The following SPEG variants were observed in gnomAD, a reference collection of about 807,000 sequenced individuals.
SPEG encodes striated muscle enriched protein kinase, also known as striated muscle preferentially expressed protein kinase.
In SPEG, 114 loss-of-function variants were observed where a neutral mutation model predicts 300.4. That is an observed-to-expected ratio of 0.38 (90% confidence interval 0.33 to 0.44). The LOEUF is 0.44. Ranked by LOEUF, SPEG falls within the 20% of genes least tolerant of loss-of-function variation. The pLI is 1.00. For missense variants in SPEG, 4,201 were observed against 4,586.2 expected, an observed-to-expected ratio of 0.92 and a Z score of 2.43; for synonymous variants, 1,964 against 2,018.9, an observed-to-expected ratio of 0.97 and a Z score of 0.73.
In SPEG at chr2:219,465,979, ATG is replaced by A. The variant is rs943030941; in HGVS notation, c.2882-1184_2882-1183del. The A allele has an allele frequency of 3.7e-4, 464 of 1,242,196 alleles. 3 individuals carry two copies. Among genetic ancestry groups the A allele is most frequent in the Admixed American group, 9.8e-4 (54 of 55,370 alleles). 76.9% of individuals were successfully genotyped at this position (1,242,196 alleles called of 1,614,324 possible). ...TGTGCGTGTGCATGCGTGTGTGTGCATGTGTGTGTGTGCGCGTGCGTGCGCGT... is the reference window on the plus strand; with the variant it reads ...TGTGCGTGTGCATGCGTGTGTGTGCATGTGTGTGTGCGCGTGCGTGCGCGT... On this transcript the variant is annotated intron_variant, in intron 9 of 40. Coordinates refer to ENST00000312358, the MANE Select transcript of SPEG (RefSeq NM_005876.5).
rs530788076 is a variant in SPEG at position 219,439,166 on chromosome 2, G to A, written c.388+3801G>A. Among the ~76,000 whole-genome samples the A allele has an allele frequency of 1.3e-5, 2 of 152,242 alleles. No individual in the cohort carries two copies. The highest frequency in any genetic ancestry group is 4.8e-5 in the African/African-American group (2 of 41,548). ...CCTCTGGGGACAGAATATGGGTTAG[G>A]ACAGAGAAGGGGGAAGGCTGGATGA... is the stretch of plus-strand genomic sequence containing the variant. On this transcript the variant is annotated intron_variant, in intron 1 of 40. Coordinates refer to ENST00000312358, the MANE Select transcript of SPEG (RefSeq NM_005876.5). This position sits in a 1 kb window ranked among gnomAD's most constrained non-coding sequence, Gnocchi z 4.5.
In SPEG at chr2:219,483,771, G is replaced by C. The variant is rs1253511819; in HGVS notation, c.6308G>C (p.Arg2103Pro). 2 of 1,552,392 alleles carry C rather than the reference G, an allele frequency of 1.3e-6. No individual in the cohort carries two copies. The highest frequency in any genetic ancestry group is 1.7e-6 in the Non-Finnish European group (2 of 1,156,354). Residue 2103 changes from arginine (R) to proline (P), a missense_variant, in exon 30 of 41, where the codon CGG (arginine) becomes CCG (proline). By Grantham distance (103) the Arg-to-Pro change is moderately radical. Coordinates refer to ENST00000312358, the MANE Select transcript of SPEG (RefSeq NM_005876.5). The part of the protein sequence containing the change: ...ESLGGRARDP[R>P]MARAASSEAA... ...CTGGGGGGCCGTGCTCGGGACCCCC[G>C]GATGGCACGAGCTGCCTCCAGCGAG...
chr2:219,437,992 G>A (rs1954763658), intron 1 of SPEG, among the ~76,000 whole-genome samples: 2 of 152,176 alleles, frequency 1.3e-5, no homozygotes, highest in African/African-American at 4.8e-5. Flanking sequence ...AAGACAAAGT[G>A]ATGCTAGGTT....
chr2:219,451,567 A>G lies in SPEG; in HGVS notation c.2258-58A>G, dbSNP rs1689750316. The G allele has an allele frequency of 2.1e-6, 3 of 1,432,056 alleles. No homozygotes were observed. The highest frequency in any genetic ancestry group is 5.2e-5 in the Admixed American group (2 of 38,820). 88.7% of individuals were successfully genotyped at this position (1,432,056 alleles called of 1,614,324 possible). On this transcript the variant is annotated intron_variant, in intron 5 of 40. Coordinates refer to ENST00000312358, the MANE Select transcript of SPEG (RefSeq NM_005876.5). The surrounding 1 kb of genome is among the most constrained non-coding windows in gnomAD (Gnocchi z 6.4). ...TGTGTGGTGTGTGGGGTAGGAGTAG[A>G]GATTCTCAGTGGGCGCCTGTGGGCC...
chr2:219,443,896 A>C lies in SPEG; in HGVS notation c.389-757A>C, dbSNP rs1447671711. Reference sequence around the variant, plus strand: ...ATCCCAGGTATCTCCCTCCCCACCCATTGCCACAGGACACCTCTGGGGACT... The same window carrying C: ...ATCCCAGGTATCTCCCTCCCCACCCCTTGCCACAGGACACCTCTGGGGACT... On this transcript the variant is annotated intron_variant, in intron 1 of 40. Transcript: ENST00000312358. This position sits in a 1 kb window ranked among gnomAD's most constrained non-coding sequence, Gnocchi z 4.6. 3.7e-5 allele frequency: 24 copies of C among 652,198 alleles called. No homozygotes were observed. Among genetic ancestry groups the C allele is most frequent in the Non-Finnish European group, 6.0e-5 (24 of 397,340 alleles). The allele number at this position is 652,198 out of a possible 1,614,324, so 40.4% of individuals were successfully genotyped here.
intron 6 of SPEG, chr2:219,460,393 A>G (rs1056793662): frequency 2.0e-6 from 2 of 985,260 alleles, no homozygotes; most frequent in Admixed American, 6.1e-5. Flanking sequence ...GTTCCGTCAG[A>G]GCAAGGGGCA....
intron 1 of SPEG, among the ~76,000 whole-genome samples, chr2:219,440,834 T>C (rs2125213723): frequency 6.6e-6 from 1 of 152,320 alleles, no homozygotes; most frequent in Non-Finnish European, 1.5e-5. Flanking sequence ...CTTAGCACAA[T>C]GCCTGGTACA....
rs1322832121 is a variant in SPEG, at chr2:219,489,557, C to T, written c.8539C>T (p.Arg2847Ter). ...AVGPPPQTPP[R>*]RHRGLQAARP... ...GGGTCCACCACCCCAAACCCCTCCA[C>T]GAAGACACAGGGGCCTGCAGGCTGC... Residue 2847 changes from arginine (R) to a stop codon, truncating the protein, a stop_gained, in exon 36 of 41, where the codon CGA becomes TGA. Coordinates refer to ENST00000312358, the MANE Select transcript of SPEG (RefSeq NM_005876.5). LOFTEE classifies it high-confidence loss of function. 8 of 1,613,474 alleles carry T rather than the reference C, an allele frequency of 5.0e-6. No homozygotes were observed. The highest frequency in any genetic ancestry group is 6.8e-6 in the Non-Finnish European group (8 of 1,179,910).
At position 219,447,962 on chromosome 2, in the gene SPEG, T is replaced by C. The variant is rs1689442238; in HGVS notation, c.816-12T>C. Reference sequence around the variant, plus strand: ...CCTGAATCCTCTACCCTTCTCCATCTTGGTTCTGCAGCAGCGTCCCTCAGA... The same window carrying C: ...CCTGAATCCTCTACCCTTCTCCATCCTGGTTCTGCAGCAGCGTCCCTCAGA... On this transcript the variant is annotated splice_polypyrimidine_tract_variant and intron_variant, in intron 3 of 40. Transcript: ENST00000312358. 5 of 1,611,846 alleles carry C rather than the reference T, an allele frequency of 3.1e-6. No individual in the cohort carries two copies. In the South Asian group the frequency reaches 5.5e-5, roughly 18 times the overall value.
At position 219,444,517 on chromosome 2, in the gene SPEG, G is replaced by A. The variant is rs1689141426; in HGVS notation, c.389-136G>A. 1.4e-6 allele frequency: 1 copy of A among 718,716 alleles called. No homozygotes were observed. Among genetic ancestry groups the A allele is most frequent in the Admixed American group, 2.4e-5 (1 of 42,456 alleles). 44.5% of individuals were successfully genotyped at this position (718,716 alleles called of 1,614,324 possible). On this transcript the variant is annotated intron_variant, in intron 1 of 40. Transcript: ENST00000312358. This position sits in a 1 kb window ranked among gnomAD's most constrained non-coding sequence, Gnocchi z 7.8. Reference sequence around the variant, plus strand: ...CCAGGCTGGGCAGGGGATGTGGGGAGCAAAAGAGAGGAGGTGCTGGCAGCC... The same window carrying A: ...CCAGGCTGGGCAGGGGATGTGGGGAACAAAAGAGAGGAGGTGCTGGCAGCC...
At chr2:219,478,418 A>G (rs1226694221) in intron 22 of SPEG, among the ~76,000 whole-genome samples, 2 of 152,226 alleles carry the variant, frequency 1.3e-5, no homozygotes, top group Non-Finnish European at 2.9e-5. Flanking sequence ...ATGAAGAGAC[A>G]GGCATGGAGA....
intron 33 of SPEG, 21 bp from the exon 34 acceptor site, chr2:219,488,757 G>A: frequency 6.2e-7 from 1 of 1,611,214 alleles, no homozygotes; most frequent in African/African-American, 1.3e-5. Flanking sequence ...GGCTCACTGG[G>A]ACTCTTCTTT....
chr2:219,472,362 G>A, intron 15 of SPEG, 31 bp downstream of exon 15: 1 of 1,586,044 alleles, frequency 6.3e-7, no homozygotes, highest in Admixed American at 1.7e-5. Context: ...GCCATGGGTG[G>A]GGAAGGGGTG....
chr2:219,472,086 T>C (rs1457450715), intron 14 of SPEG, 99 bp downstream of exon 14: 1 of 1,535,320 alleles, frequency 6.5e-7, no homozygotes, highest in Non-Finnish European at 8.8e-7. Flanking sequence ...TCCCTTCCCC[T>C]CCATCCCCTG....
chr2:219,445,433 G>T lies in SPEG; in HGVS notation c.815+272G>T. On this transcript the variant is annotated intron_variant, in intron 3 of 40. Transcript: ENST00000312358. This position sits in a 1 kb window ranked among gnomAD's most constrained non-coding sequence, Gnocchi z 6.1. ...GCTGTCCCTTCCTTGTCTCCTCCAA[G>T]ATCTCCAGTTTCTCAGGGGCCCTCT... is the stretch of plus-strand genomic sequence containing the variant. 1 of 511,864 alleles carries T rather than the reference G, an allele frequency of 2.0e-6. No individual in the cohort carries two copies. Among genetic ancestry groups the T allele is most frequent in the Non-Finnish European group, 3.5e-6 (1 of 287,722 alleles). The allele number at this position is 511,864 out of a possible 1,614,324, so 31.7% of individuals were successfully genotyped here.
In SPEG at chr2:219,449,177, G is replaced by T; in HGVS notation, c.2019G>T (p.Gly673=). The change falls in exon 4 of 41, where the codon GGG becomes GGT. Residue 673 remains glycine, a synonymous_variant. Coordinates refer to ENST00000312358, the MANE Select transcript of SPEG (RefSeq NM_005876.5). ...GPEAEKRLRR[G]PEEDGPWGPW... is the part of the protein sequence containing the mutation. ...AGGCAGAGAAGAGGCTTCGCAGAGG[G>T]CCGGAGGAGGACGGTCCCTGGGGGC... The T allele has an allele frequency of 7.2e-7, 1 of 1,397,528 alleles. No homozygotes were observed. The highest frequency in any genetic ancestry group is 9.3e-7 in the Non-Finnish European group (1 of 1,075,812). 86.6% of individuals were successfully genotyped at this position (1,397,528 alleles called of 1,614,324 possible). A position where few individuals can be genotyped will look rare whatever the true frequency, so the allele number is the denominator to read the frequency against.
chr2:219,449,731 T>C (rs1412987803), intron 4 of SPEG, among the ~76,000 whole-genome samples: 1 of 152,190 alleles, frequency 6.6e-6, no homozygotes, highest in Non-Finnish European at 1.5e-5. Flanking sequence ...ACACGCTTTG[T>C]GCCAGATAAC....
rs1467346262 is a variant in SPEG at position 219,488,287 on chromosome 2, C to T, written c.7835C>T (p.Ala2612Val). 3 of 1,612,360 alleles carry T rather than the reference C, an allele frequency of 1.9e-6. No individual in the cohort carries two copies. Among genetic ancestry groups the T allele is most frequent in the African/African-American group, 1.3e-5 (1 of 75,016 alleles). The change falls in exon 32 of 41, where the codon GCA becomes GTA. Residue 2612 changes from alanine to valine, a missense_variant. Ala to Val is a moderately conservative substitution (Grantham distance 64). Around this residue, in one of 4 missense-constraint regions of SPEG, gnomAD observed 1,578 missense variants for 1,506.0 expected, o/e 1.05. Transcript: ENST00000312358. Reference protein sequence around the residue: ...TLLCLPAACPAPHISWMKDKK... With the variant: ...TLLCLPAACPVPHISWMKDKK... ...CTCTGCCTGCCAGCGGCCTGCCCTGCACCGCACATCTCCTGGATGAAAGGT... is the reference window on the plus strand; with the variant it reads ...CTCTGCCTGCCAGCGGCCTGCCCTGTACCGCACATCTCCTGGATGAAAGGT...
intron 6 of SPEG, chr2:219,461,390 G>A: frequency 4.0e-6 from 4 of 1,000,498 alleles, no homozygotes; most frequent in Non-Finnish European, 3.6e-6. Flanking sequence ...CTGGACCGAG[G>A]TCGGGATGTG....
Sources: gnomAD v4.1 joint callset for allele counts (sites outside exome capture counted in the v4.1 genomes callset) on GRCh38, gnomAD v4.1.1 for gene constraint, gnomAD v4.1.1 regional missense constraint, Gnocchi (gnomAD v3.1) non-coding constraint, MANE v1.5 for transcripts, NCBI Gene and HGNC (gene_info 2026-07-23, HGNC 2026-07-21) for gene names.